Variants in TGFB2 observed in about 807,000 individuals in gnomAD.
TGFB2 encodes transforming growth factor beta-2 proprotein.
In TGFB2, 13 loss-of-function variants were observed where a neutral mutation model predicts 42.7. The ratio of observed to expected loss-of-function variants is 0.30; its 90% confidence interval spans 0.20 to 0.48. The LOEUF (loss-of-function observed/expected upper bound fraction) is 0.48. Ranked by LOEUF, TGFB2 falls within the 20% of genes least tolerant of loss-of-function variation. The probability of loss-of-function intolerance (pLI) is 0.99; values close to 1 mark genes in which losing one functional copy is unlikely to be tolerated. For missense variants in TGFB2, 390 were observed against 517.5 expected (o/e 0.75, Z 2.39); for synonymous variants, 193 against 193.6 (o/e 1.00, Z 0.03).
chr1:218,411,375 G>A (rs1347561222), intron 2 of TGFB2, among the ~76,000 whole-genome samples: 1 of 152,142 alleles, frequency 6.6e-6, no homozygotes, highest in Non-Finnish European at 1.5e-5. Flanking sequence ...ATGACAGTTG[G>A]GCTGGTCTGG....
rs1558219203 is a variant in TGFB2, at chr1:218,346,050, G to GCACACACACA, written c.-647_-646insACACACACAC. The stretch of plus-strand genomic sequence containing the variant: ...TGCGCTGGGCTCGCCCCCAGCGCGC[G>GCACACACACA]CACACGCACACACACACACACACAC... On this transcript the variant is annotated 5_prime_UTR_variant, in exon 1 of 7. Coordinates refer to ENST00000366930, the MANE Select transcript of TGFB2 (RefSeq NM_003238.6). The surrounding 1 kb of genome is among the most constrained non-coding windows in gnomAD (Gnocchi z 4.9). Among the ~76,000 whole-genome samples the GCACACACACA allele has an allele frequency of 7.2e-6, 1 of 138,042 alleles. No individual in the cohort carries two copies. Among genetic ancestry groups the GCACACACACA allele is most frequent in the African/African-American group, 3.1e-5 (1 of 32,536 alleles). 90.6% of individuals were successfully genotyped at this position (138,042 alleles called of 152,430 possible).
chr1:218,403,852 G>C (rs1056138260), intron 1 of TGFB2, among the ~76,000 whole-genome samples: 4 of 152,154 alleles, frequency 2.6e-5, no homozygotes, highest in African/African-American at 7.2e-5. Flanking sequence ...ACTAGAGTTG[G>C]ATGAAACACT....
At position 218,415,722 on chromosome 1, in the gene TGFB2, A is replaced by G. The variant is rs867708141; in HGVS notation, c.510+10390A>G. On this transcript the variant is annotated intron_variant, in intron 2 of 6. Coordinates refer to ENST00000366930, the MANE Select transcript of TGFB2 (RefSeq NM_003238.6). ...AAGAAAAAAAAAAAAAAAAAAAAAA[A>G]AAGTTGCAGATGAGCATATCAGAGT... 3.3e-3 allele frequency among the ~76,000 whole-genome samples: 494 copies of G among 149,750 alleles called. 7 individuals carry two copies. Among genetic ancestry groups the G allele is most frequent in the African/African-American group, 0.012 (461 of 39,934 alleles).
intron 2 of TGFB2, among the ~76,000 whole-genome samples, chr1:218,419,200 A>G (rs1021730217): frequency 1.3e-5 from 2 of 151,946 alleles, no homozygotes; most frequent in Non-Finnish European, 2.9e-5. Flanking sequence ...CCTCATTCAT[A>G]GGGCTCCCCC....
intron 2 of TGFB2, among the ~76,000 whole-genome samples, chr1:218,411,664 G>A (rs1659102075): frequency 6.6e-6 from 1 of 152,070 alleles, no homozygotes; most frequent in Non-Finnish European, 1.5e-5. Context: ...GAGCCCAGGA[G>A]TTCAAGCCTG....
chr1:218,424,090 A>G (rs1659543493), intron 2 of TGFB2, among the ~76,000 whole-genome samples: 1 of 152,216 alleles, frequency 6.6e-6, no homozygotes, highest in Non-Finnish European at 1.5e-5. Context: ...ACCCTTAGTC[A>G]ATGAGTGAAA....
Position 218,346,456 on chromosome 1 carries a change from G to T in TGFB2, c.-246G>T. The T allele has an allele frequency of 2.4e-6, 1 of 411,340 alleles. No homozygotes were observed. The highest frequency in any genetic ancestry group is 4.2e-6 in the Non-Finnish European group (1 of 236,092). 25.5% of individuals were successfully genotyped at this position (411,340 alleles called of 1,614,324 possible). A position where few individuals can be genotyped will look rare whatever the true frequency, so the allele number is the denominator to read the frequency against. On this transcript the variant is annotated 5_prime_UTR_variant, in exon 1 of 7. Transcript: ENST00000366930. The surrounding 1 kb of genome is among the most constrained non-coding windows in gnomAD (Gnocchi z 4.9). ...TTTCTTCTTACTCGCCAAAGTCAGGGTTCCCTCTGCCCGTCCCGTATTAAT... is the reference window on the plus strand; with the variant it reads ...TTTCTTCTTACTCGCCAAAGTCAGGTTTCCCTCTGCCCGTCCCGTATTAAT...
At chr1:218,357,141 G>A (rs947536340) in intron 1 of TGFB2, among the ~76,000 whole-genome samples, 16 of 152,122 alleles carry the variant, frequency 1.1e-4, no homozygotes, top group Admixed American at 1.0e-3. Context: ...GAACCCGGGA[G>A]GCAGAGGTTG....
At position 218,385,927 on chromosome 1, in the gene TGFB2, T is replaced by A. The variant is rs148050285; in HGVS notation, c.347-19242T>A. Among the ~76,000 whole-genome samples the A allele has an allele frequency of 2.9e-3, 441 of 152,314 alleles. 1 individual carries two copies. Among genetic ancestry groups the A allele is most frequent in the African/African-American group, 0.01 (421 of 41,566 alleles). On this transcript the variant is annotated intron_variant, in intron 1 of 6. Coordinates refer to ENST00000366930, the MANE Select transcript of TGFB2 (RefSeq NM_003238.6). ...CCCAGCCTTTTCCCCCAAACCAGAA[T>A]AAGTTCAGAGAGACTCCCATGGTTG...
chr1:218,405,326 A>G lies in TGFB2; in HGVS notation c.504A>G (p.Leu168=), dbSNP rs767140771. The change falls in exon 2 of 7, where the codon CTA becomes CTG. Residue 168 remains leucine, a synonymous_variant. Coordinates refer to ENST00000366930, the MANE Select transcript of TGFB2 (RefSeq NM_003238.6). Reference sequence around the variant, plus strand: ...GAGTGCCTGAACAACGGATTGAGCTATATCAGGTAATGTTCATTTGTTGTT... The same window carrying G: ...GAGTGCCTGAACAACGGATTGAGCTGTATCAGGTAATGTTCATTTGTTGTT... The part of the protein sequence containing the change: ...KARVPEQRIE[L]YQILKSKDLT... 8 of 1,613,578 alleles carry G rather than the reference A, an allele frequency of 5.0e-6. No individual in the cohort carries two copies. In the Admixed American group the frequency reaches 1.0e-4, roughly 20 times the overall value.
chr1:218,377,553 T>G (rs1007854780), intron 1 of TGFB2, among the ~76,000 whole-genome samples: 4 of 152,160 alleles, frequency 2.6e-5, no homozygotes, highest in Admixed American at 2.0e-4. Flanking sequence ...AGCACTATGA[T>G]TCATTCAATG....
At chr1:218,427,136 T>C (rs1310370534) in intron 2 of TGFB2, among the ~76,000 whole-genome samples, 1 of 152,118 alleles carries the variant, frequency 6.6e-6, no homozygotes, top group Non-Finnish European at 1.5e-5. Flanking sequence ...ACATTACAGT[T>C]TAACCATCCT....
At position 218,346,056 on chromosome 1, in the gene TGFB2, G is replaced by GCGCACACACA. The variant is rs550941534; in HGVS notation, c.-645_-644insGCACACACAC. Among the ~76,000 whole-genome samples, 1 of 145,604 alleles carries GCGCACACACA rather than the reference G, an allele frequency of 6.9e-6. No homozygotes were observed. The highest frequency in any genetic ancestry group is 1.5e-5 in the Non-Finnish European group (1 of 65,968). On this transcript the variant is annotated 5_prime_UTR_variant, in exon 1 of 7. Transcript: ENST00000366930. This position sits in a 1 kb window ranked among gnomAD's most constrained non-coding sequence, Gnocchi z 4.9. Reference sequence around the variant, plus strand: ...GGGCTCGCCCCCAGCGCGCGCACACGCACACACACACACACACACACACAC... The same window carrying GCGCACACACA: ...GGGCTCGCCCCCAGCGCGCGCACACGCGCACACACACACACACACACACACACACACACAC...
At chr1:218,402,062 T>G (rs1658740185) in intron 1 of TGFB2, among the ~76,000 whole-genome samples, 1 of 152,202 alleles carries the variant, frequency 6.6e-6, no homozygotes. Context: ...AAGGGGTAGT[T>G]GGTTCTTCAG....
At chr1:218,433,989 A>T in intron 2 of TGFB2, 93 bp from the exon 3 acceptor site, 3 of 1,516,496 alleles carry the variant, frequency 2.0e-6, no homozygotes, top group Non-Finnish European at 2.7e-6. Flanking sequence ...AGCTAAATTT[A>T]GGTAATGAAT....
At position 218,437,347 on chromosome 1, in the gene TGFB2, G is replaced by C. The variant is rs200149375; in HGVS notation, c.937G>C (p.Val313Leu). The stretch of plus-strand genomic sequence containing the variant: ...TTTTTTTTTTTTTTTTAACAGAAAT[G>C]TGCAGGATAATTGCTGCCTACGTCC... ...ALDAAYCFRNVQDNCCLRPLY... is the reference protein window; with the variant it reads ...ALDAAYCFRNLQDNCCLRPLY... Residue 313 changes from valine (V) to leucine (L), a missense_variant, in exon 6 of 7, where the codon GTG becomes CTG. Coordinates refer to ENST00000366930, the MANE Select transcript of TGFB2 (RefSeq NM_003238.6). The C allele has an allele frequency of 6.2e-6, 9 of 1,459,074 alleles. No homozygotes were observed. The African/African-American group carries it at 1.2e-4, about 19-fold the overall frequency. The allele number at this position is 1,459,074 out of a possible 1,614,324, so 90.4% of individuals were successfully genotyped here.
chr1:218,396,444 T>TG (rs1658514384), intron 1 of TGFB2, among the ~76,000 whole-genome samples: 3 of 152,192 alleles, frequency 2.0e-5, no homozygotes, highest in Admixed American at 2.0e-4. Context: ...CTGCATCTTT[T>TG]GGGACAGACT....
intron 1 of TGFB2, among the ~76,000 whole-genome samples, chr1:218,384,469 C>T (rs1024816880): frequency 3.9e-5 from 6 of 152,336 alleles, no homozygotes; most frequent in East Asian, 3.9e-4. Flanking sequence ...AAGTCACTTC[C>T]GCTCTGGCTG....
At chr1:218,370,514 T>A (rs1044518068) in intron 1 of TGFB2, among the ~76,000 whole-genome samples, 1 of 152,348 alleles carries the variant, frequency 6.6e-6, no homozygotes, top group East Asian at 1.9e-4. Flanking sequence ...TCAAAGTTGA[T>A]ATATTCAGAA....
Sources: allele counts gnomAD v4.1 joint callset (sites outside exome capture counted in the v4.1 genomes callset), GRCh38; gene constraint gnomAD v4.1.1; non-coding constraint Gnocchi (gnomAD v3.1); transcripts MANE v1.5; gene names NCBI Gene and HGNC (gene_info 2026-07-23, HGNC 2026-07-21).